DSG4: variants seen among roughly 807,000 people sequenced by gnomAD.
DSG4 encodes desmoglein-4.
A neutral mutation model predicts 93.1 loss-of-function variants in DSG4; 87 were observed. The ratio of observed to expected loss-of-function variants is 0.93; its 90% CI spans 0.79 to 1.12. The LOEUF is 1.12. Among genes scored for constraint, DSG4 ranks in the 50% most tolerant of loss-of-function variants. The pLI is 0.00. For missense variants in DSG4, 1,373 were observed against 1,285.7 expected, an observed-to-expected ratio of 1.07 and a Z score of -1.04; for synonymous variants, 432 against 452.9, an observed-to-expected ratio of 0.95 and a Z score of 0.59.
intron 5 of DSG4, among the ~76,000 whole-genome samples, chr18:31,389,602 T>C (rs1036562811): frequency 6.6e-6 from 1 of 152,032 alleles, no homozygotes; most frequent in Non-Finnish European, 1.5e-5. Context: ...CCTACTCTTA[T>C]GCTTTTCTTA....
chr18:31,390,925 A>G (rs2072241623), intron 6 of DSG4, 103 bp downstream of exon 6: 1 of 1,508,564 alleles, frequency 6.6e-7, no homozygotes, highest in East Asian at 2.5e-5. Flanking sequence ...AGGAGGGAAG[A>G]AAAATAATCC....
rs1440733150 is a variant in DSG4, at chr18:31,409,462, C to T, written c.1944C>T (p.Leu648=). Residue 648 remains leucine, a synonymous_variant, in exon 13 of 16, where the codon CTC becomes CTT. Coordinates refer to ENST00000308128, the MANE Select transcript of DSG4 (RefSeq NM_177986.5). ...LGILLLILAP[L]LLLLCCCKQR... ...CACTTTCTTGGGCAGTGGCTCCACT[C>T]TTGCTGCTCCTGTGTTGCTGCAAAC... 28 of 1,614,178 alleles carry T rather than the reference C, an allele frequency of 1.7e-5. No homozygotes were observed. Among genetic ancestry groups the T allele is most frequent in the African/African-American group, 2.7e-5 (2 of 75,044 alleles).
chr18:31,400,070 A>C (rs1312760797), intron 9 of DSG4, among the ~76,000 whole-genome samples: 1 of 152,156 alleles, frequency 6.6e-6, no homozygotes, highest in Non-Finnish European at 1.5e-5. Context: ...GTATTGGGGC[A>C]CTAGGTACCT....
intron 3 of DSG4, 88 bp from the exon 4 acceptor site, chr18:31,388,279 A>G (rs1286030528): frequency 5.6e-5 from 83 of 1,487,034 alleles, no homozygotes; most frequent in Non-Finnish European, 7.6e-5. Context: ...CCCATTTGGT[A>G]AAGAAACCCA....
At chr18:31,402,530 A>G (rs987850785) in intron 10 of DSG4, among the ~76,000 whole-genome samples, 7 of 152,204 alleles carry the variant, frequency 4.6e-5, no homozygotes, top group Non-Finnish European at 8.8e-5. Flanking sequence ...GACTATAGGT[A>G]GGCTCTCAGT....
chr18:31,385,153 C>T lies in DSG4; in HGVS notation c.66C>T (p.Asn22=), dbSNP rs751253732. The change falls in exon 2 of 16, where the codon AAC becomes AAT. Residue 22 remains asparagine, a synonymous_variant. Transcript: ENST00000308128. ...LIILMVVMEV[N]SEFIVEVKEF... is the part of the protein sequence containing the mutation. ...CAAAACAGGTGGTGATGGAAGTAAACAGTGAATTTATTGTTGAGGTAATGT... is the reference window on the plus strand; with the variant it reads ...CAAAACAGGTGGTGATGGAAGTAAATAGTGAATTTATTGTTGAGGTAATGT... 8.8e-6 allele frequency: 14 copies of T among 1,597,858 alleles called. No individual in the cohort carries two copies. The East Asian group carries it at 2.9e-4, about 33-fold the overall frequency.
At position 31,386,024 on chromosome 18, in the gene DSG4, G is replaced by A. The variant is rs78001110; in HGVS notation, c.85-664G>A. ...TGAAATTCTTAAGTATACATCAATA[G>A]CAGCAACTTAAGGCTACGAAAGAAA... On this transcript the variant is annotated intron_variant, in intron 2 of 15. Transcript: ENST00000308128. 9.4e-4 allele frequency among the ~76,000 whole-genome samples: 143 copies of A among 152,160 alleles called. 3 individuals carry two copies. In the East Asian group the frequency reaches 0.026, roughly 28 times the overall value.
At chr18:31,396,337 A>G (rs936344735) in intron 8 of DSG4, among the ~76,000 whole-genome samples, 1 of 151,088 alleles carries the variant, frequency 6.6e-6, no homozygotes, top group Admixed American at 6.6e-5. Flanking sequence ...AACTCTCGGA[A>G]GAAAATAGGG....
chr18:31,390,895 G>A, intron 6 of DSG4, 73 bp downstream of exon 6: 1 of 1,555,562 alleles, frequency 6.4e-7, no homozygotes, highest in Non-Finnish European at 8.7e-7. Context: ...TGATCCATGT[G>A]TACCCTTACT....
chr18:31,399,595 T>C (rs142081049), intron 9 of DSG4, 52 bp downstream of exon 9: 7 of 1,609,540 alleles, frequency 4.3e-6, no homozygotes, highest in East Asian at 2.2e-5. Context: ...TGTTAATTCA[T>C]GTAGCATGCG....
At chr18:31,396,725 G>A (rs1181152591) in intron 8 of DSG4, among the ~76,000 whole-genome samples, 3 of 152,130 alleles carry the variant, frequency 2.0e-5, no homozygotes, top group Admixed American at 6.6e-5. Flanking sequence ...ATTTACCCAG[G>A]TGGTGAATGG....
intron 10 of DSG4, among the ~76,000 whole-genome samples, chr18:31,401,398 A>T (rs2072364509): frequency 6.6e-6 from 1 of 152,176 alleles, no homozygotes; most frequent in Admixed American, 6.5e-5. Flanking sequence ...ACCTTGTGGG[A>T]AAGCAATGTC....
chr18:31,385,080 T>C (rs964281108), intron 1 of DSG4, 56 bp from the exon 2 acceptor site: 4 of 1,401,178 alleles, frequency 2.9e-6, no homozygotes, highest in Non-Finnish European at 4.0e-6. Context: ...TTTTATGACA[T>C]GGCTTCCTCT....
At chr18:31,405,625 T>A (rs1441571851) in intron 11 of DSG4, among the ~76,000 whole-genome samples, 1 of 151,602 alleles carries the variant, frequency 6.6e-6, no homozygotes, top group East Asian at 1.9e-4. Flanking sequence ...GGCTCATGCT[T>A]GTAATCCAAG....
chr18:31,391,897 A>T (rs1202078145), intron 7 of DSG4, among the ~76,000 whole-genome samples: 1 of 152,156 alleles, frequency 6.6e-6, no homozygotes, highest in Non-Finnish European at 1.5e-5. Flanking sequence ...AACAATAAGC[A>T]AAAATAAATA....
chr18:31,385,855 G>T (rs2072181326), intron 2 of DSG4, among the ~76,000 whole-genome samples: 1 of 152,078 alleles, frequency 6.6e-6, no homozygotes, highest in Non-Finnish European at 1.5e-5. Flanking sequence ...ATTAAATGAA[G>T]CTTAGCCTAA....
intron 15 of DSG4, among the ~76,000 whole-genome samples, chr18:31,412,425 G>T (rs533275200): frequency 2.6e-5 from 4 of 152,180 alleles, no homozygotes; most frequent in African/African-American, 7.2e-5. Context: ...AATACTGTTA[G>T]AATGAAGAAG....
chr18:31,385,123 TC>T lies in DSG4; in HGVS notation c.49-12del. ...GCAAATTTATGCTAATGTGGTATCTTCTATCAAAACAGGTGGTGATGGAAGT... is the reference window on the plus strand; with the variant it reads ...GCAAATTTATGCTAATGTGGTATCTTTATCAAAACAGGTGGTGATGGAAGT... On this transcript the variant is annotated splice_polypyrimidine_tract_variant and intron_variant, in intron 1 of 15. Coordinates refer to ENST00000308128, the MANE Select transcript of DSG4 (RefSeq NM_177986.5). The T allele has an allele frequency of 6.2e-7, 1 of 1,601,146 alleles. No individual in the cohort carries two copies. Among genetic ancestry groups the T allele is most frequent in the Non-Finnish European group, 8.5e-7 (1 of 1,170,716 alleles).
At chr18:31,383,091 G>A (rs538935128) in intron 1 of DSG4, among the ~76,000 whole-genome samples, 208 of 152,236 alleles carry the variant, frequency 1.4e-3, no homozygotes, top group African/African-American at 4.4e-3. Context: ...CTATGAATGC[G>A]CCCTTGAAAG....
Sources: allele counts gnomAD v4.1 joint callset (sites outside exome capture counted in the v4.1 genomes callset), GRCh38; gene constraint gnomAD v4.1.1; transcripts MANE v1.5; gene names NCBI Gene and HGNC (gene_info 2026-07-23, HGNC 2026-07-21).